Variants in EPN2 observed in about 807,000 individuals in gnomAD.
EPN2 encodes epsin-2.
Under a neutral mutation model 61.7 loss-of-function variants are expected in EPN2, and 34 were observed. The observed-to-expected ratio is 0.55, with a 90% confidence interval of 0.42 to 0.73. The LOEUF (loss-of-function observed/expected upper bound fraction) is 0.73, where lower values mean the gene tolerates loss of function less well. EPN2 is among the 30% of genes least tolerant of loss of function. EPN2 has a pLI of 0.00. For synonymous variants in EPN2, 349 were observed against 353.6 expected (o/e 0.99, Z 0.15); for missense variants, 714 against 839.2 (o/e 0.85, Z 1.84).
intron 1 of EPN2, among the ~76,000 whole-genome samples, chr17:19,263,172 GAC>G (rs1398276163): frequency 6.6e-6 from 1 of 152,202 alleles, no homozygotes; most frequent in Admixed American, 6.5e-5. Flanking sequence ...AGCAGAGAGT[GAC>G]ACACATCATT....
chr17:19,331,670 C>T (rs1347271126), intron 9 of EPN2, among the ~76,000 whole-genome samples, 183 bp from the exon 10 acceptor site: 4 of 152,154 alleles, frequency 2.6e-5, no homozygotes, highest in Non-Finnish European at 5.9e-5. Flanking sequence ...TCTTCTGTTC[C>T]TGCATGCTGG....
At chr17:19,324,772 T>G (rs546150110) in intron 7 of EPN2, among the ~76,000 whole-genome samples, 10 of 152,154 alleles carry the variant, frequency 6.6e-5, no homozygotes, top group Admixed American at 6.5e-4. Flanking sequence ...AAAAGGAAAT[T>G]ATAAGGATAA....
chr17:19,239,646 C>T (rs564826572), intron 1 of EPN2, among the ~76,000 whole-genome samples: 4 of 152,322 alleles, frequency 2.6e-5, no homozygotes, highest in Non-Finnish European at 5.9e-5. Flanking sequence ...CTGCGTCCCA[C>T]AAGTCCCCGG....
At chr17:19,277,300 C>G (rs1406761321) in intron 1 of EPN2, among the ~76,000 whole-genome samples, 2 of 149,578 alleles carry the variant, frequency 1.3e-5, no homozygotes, top group Non-Finnish European at 2.9e-5. Flanking sequence ...ACTTGGGTGG[C>G]TGAGGTGCCA....
chr17:19,333,369 C>T (rs1370633858), intron 10 of EPN2, among the ~76,000 whole-genome samples: 4 of 152,158 alleles, frequency 2.6e-5, no homozygotes, highest in Non-Finnish European at 4.4e-5. Flanking sequence ...ATTCTCCAGG[C>T]CACACAGGGT....
chr17:19,312,210 A>G, intron 6 of EPN2, 66 bp downstream of exon 6: 1 of 1,153,370 alleles, frequency 8.7e-7, no homozygotes. Context: ...ATATCCCCCC[A>G]CCAACTTGCC....
chr17:19,246,832 G>GATCTCAGC (rs1216168924), intron 1 of EPN2, among the ~76,000 whole-genome samples: 1 of 141,032 alleles, frequency 7.1e-6, no homozygotes, highest in East Asian at 2.4e-4. Flanking sequence ...GCAGTGGCGC[G>GATCTCAGC]ATCTCAGCTC....
At chr17:19,254,461 A>G (rs1193648728) in intron 1 of EPN2, among the ~76,000 whole-genome samples, 1 of 152,194 alleles carries the variant, frequency 6.6e-6, no homozygotes, top group Admixed American at 6.5e-5. Context: ...GAATCCCTCG[A>G]ACCCAGGAGG....
chr17:19,324,932 C>T (rs918749597), intron 7 of EPN2, among the ~76,000 whole-genome samples: 3 of 152,056 alleles, frequency 2.0e-5, no homozygotes, highest in East Asian at 1.9e-4. Context: ...GCATAACTGC[C>T]GGCACACTCA....
At chr17:19,327,773 C>T (rs1260062152) in intron 7 of EPN2, among the ~76,000 whole-genome samples, 1 of 151,930 alleles carries the variant, frequency 6.6e-6, no homozygotes, top group Non-Finnish European at 1.5e-5. Context: ...TAAAGGTATC[C>T]CTACAAGATA....
chr17:19,245,961 G>A (rs561758283), intron 1 of EPN2, among the ~76,000 whole-genome samples: 5 of 151,562 alleles, frequency 3.3e-5, no homozygotes, highest in South Asian at 2.1e-4. Flanking sequence ...CACCATGCCC[G>A]GCCCTTCTTC....
At chr17:19,308,457 C>T (rs1905960634) in intron 4 of EPN2, 2 of 982,404 alleles carry the variant, frequency 2.0e-6, no homozygotes, top group Admixed American at 1.2e-4. Flanking sequence ...ATGCACCTGT[C>T]TGTGCATGCA....
At chr17:19,244,164 G>A (rs2044918608) in intron 1 of EPN2, among the ~76,000 whole-genome samples, 1 of 152,126 alleles carries the variant, frequency 6.6e-6, no homozygotes, top group South Asian at 2.1e-4. Flanking sequence ...AGGCCTTTTA[G>A]AATTGTAACT....
At chr17:19,287,693 A>G (rs2045419288) in intron 4 of EPN2, among the ~76,000 whole-genome samples, 1 of 152,110 alleles carries the variant, frequency 6.6e-6, no homozygotes. Context: ...TTCAGGAGAG[A>G]TGTTTGTGAG....
At chr17:19,297,682 G>A (rs1598004971) in intron 4 of EPN2, among the ~76,000 whole-genome samples, 3 of 152,164 alleles carry the variant, frequency 2.0e-5, no homozygotes, top group African/African-American at 7.2e-5. Flanking sequence ...CCCAGTTTGC[G>A]AGGGAGCATG....
At chr17:19,268,397 G>A (rs992422878) in intron 1 of EPN2, among the ~76,000 whole-genome samples, 17 of 151,984 alleles carry the variant, frequency 1.1e-4, no homozygotes, top group African/African-American at 3.9e-4. Flanking sequence ...TTGCTCTGTC[G>A]TCCAGGCTGA....
chr17:19,247,622 G>A (rs190361379), intron 1 of EPN2, among the ~76,000 whole-genome samples: 519 of 152,328 alleles, frequency 3.4e-3, no homozygotes, highest in Non-Finnish European at 6.4e-3. Flanking sequence ...ATGCCTGCTG[G>A]GAGCAGTGAG....
rs1476098186 is a variant in EPN2 at position 19,283,024 on chromosome 17, A to G, written c.-96A>G. The G allele has an allele frequency of 2.4e-6, 2 of 829,556 alleles. No homozygotes were observed. Among genetic ancestry groups the G allele is most frequent in the African/African-American group, 3.4e-5 (2 of 58,076 alleles). The allele number at this position is 829,556 out of a possible 1,614,324, so 51.4% of individuals were successfully genotyped here. A position where few individuals can be genotyped will look rare whatever the true frequency, so the allele number is the denominator to read the frequency against. The stretch of plus-strand genomic sequence containing the variant: ...CATTCAGGGATCTTACTCCAGCTTG[A>G]TTACGGAGACTGAACCTTCATAGGG... On this transcript the variant is annotated 5_prime_UTR_variant, in exon 3 of 11. Coordinates refer to ENST00000314728, the MANE Select transcript of EPN2 (RefSeq NM_014964.5). This position sits in a 1 kb window ranked among gnomAD's most constrained non-coding sequence, Gnocchi z 7.0.
At chr17:19,284,553 TG>T (rs1296484991) in intron 3 of EPN2, among the ~76,000 whole-genome samples, 1 of 152,036 alleles carries the variant, frequency 6.6e-6, no homozygotes, top group Admixed American at 6.6e-5. Flanking sequence ...AGGATGGAGG[TG>T]GGGATTGTAG....
Sources: allele counts gnomAD v4.1 joint callset (sites outside exome capture counted in the v4.1 genomes callset), GRCh38; gene constraint gnomAD v4.1.1; non-coding constraint Gnocchi (gnomAD v3.1); transcripts MANE v1.5; gene names NCBI Gene and HGNC (gene_info 2026-07-23, HGNC 2026-07-21).